PIK3C2B: variants seen among roughly 807,000 people sequenced by gnomAD.
The protein encoded by PIK3C2B is phosphatidylinositol 4-phosphate 3-kinase C2 domain-containing subunit beta.
Under a neutral mutation model 184.3 loss-of-function variants are expected in PIK3C2B, and 83 were observed. The ratio of observed to expected loss-of-function variants is 0.45; its 90% confidence interval spans 0.38 to 0.54. PIK3C2B has a LOEUF of 0.54. PIK3C2B is among the 20% of genes least tolerant of loss of function. PIK3C2B has a pLI of 0.00. For missense variants in PIK3C2B, 1,736 were observed against 2,113.5 expected, an observed-to-expected ratio of 0.82 and a Z score of 3.50; for synonymous variants, 779 against 837.6, an observed-to-expected ratio of 0.93 and a Z score of 1.21.
At chr1:204,429,038 C>A in intron 29 of PIK3C2B, 3 of 353,540 alleles carry the variant, frequency 8.5e-6, no homozygotes, top group Non-Finnish European at 1.1e-5. Flanking sequence ...AGCCTGGTGA[C>A]ATAGTAAAAC....
At chr1:204,457,182 G>GT in intron 9 of PIK3C2B, 112 bp from the exon 10 acceptor site, 1 of 835,044 alleles carries the variant, frequency 1.2e-6, no homozygotes, top group Non-Finnish European at 1.9e-6. Flanking sequence ...GGGCTGAAAT[G>GT]TGAGTAGCTG....
intron 2 of PIK3C2B, among the ~76,000 whole-genome samples, chr1:204,465,884 G>A (rs1208923040): frequency 6.6e-6 from 1 of 152,250 alleles, no homozygotes; most frequent in Non-Finnish European, 1.5e-5. Context: ...TGCTATTTGA[G>A]GAAGAAAGCG....
At chr1:204,493,341 A>G (rs1277876236) in intron 1 of PIK3C2B, among the ~76,000 whole-genome samples, 2 of 152,150 alleles carry the variant, frequency 1.3e-5, no homozygotes, top group Non-Finnish European at 2.9e-5. Flanking sequence ...GGGACCAGCC[A>G]GCCCAGGGTA....
At chr1:204,465,172 C>CCTCCCCCCA in intron 3 of PIK3C2B, 47 bp downstream of exon 3, 8 of 820,634 alleles carry the variant, frequency 9.7e-6, no homozygotes, top group Admixed American at 3.6e-5. Context: ...CCCCCCTCCC[C>CCTCCCCCCA]ATCCCCCATA....
At chr1:204,476,189 G>A (rs766606968) in intron 1 of PIK3C2B, among the ~76,000 whole-genome samples, 1 of 152,172 alleles carries the variant, frequency 6.6e-6, no homozygotes, top group African/African-American at 2.4e-5. Flanking sequence ...TAGAGGACAC[G>A]CAGAAAGTAT....
intron 11 of PIK3C2B, 45 bp from the exon 12 acceptor site, chr1:204,454,836 C>G (rs764744499): frequency 1.9e-6 from 3 of 1,589,320 alleles, no homozygotes; most frequent in Non-Finnish European, 2.6e-6. Context: ...CTCCCAAAAC[C>G]AATCACCCAA....
Position 204,433,376 on chromosome 1 carries a change from T to A in PIK3C2B, c.3893A>T (p.Tyr1298Phe). The A allele has an allele frequency of 6.2e-7, 1 of 1,612,756 alleles. No homozygotes were observed. Reference protein sequence around the residue: ...PELSDLEDLKYVYDALRPQDT... With the variant: ...PELSDLEDLKFVYDALRPQDT... ...CTGAGGCCTCAGGGCATCGTACACATACTTGAGGTCCTCCAGGTCTGAGAG... is the reference window on the plus strand; with the variant it reads ...CTGAGGCCTCAGGGCATCGTACACAAACTTGAGGTCCTCCAGGTCTGAGAG... Residue 1298 changes from tyrosine to phenylalanine, a missense_variant, in exon 26 of 33, where the codon TAT becomes TTT. Coordinates refer to ENST00000684373, the MANE Select transcript of PIK3C2B (RefSeq NM_001377334.1). The surrounding 1 kb of genome is among the most constrained non-coding windows in gnomAD (Gnocchi z 5.0).
At chr1:204,462,214 A>G (rs61761706) in intron 5 of PIK3C2B, among the ~76,000 whole-genome samples, 2,890 of 152,152 alleles carry the variant, frequency 0.019, 109 homozygotes, top group African/African-American at 0.064. Flanking sequence ...ATTTCACCTG[A>G]GTCTTAGCAG....
In PIK3C2B at chr1:204,424,745, G is replaced by T; in HGVS notation, c.*107C>A. On this transcript the variant is annotated 3_prime_UTR_variant, in exon 33 of 33. Transcript: ENST00000684373. ...CAGAATCACCTGGACCGAGCTGGAG[G>T]CCTGCCCAGGGCCCTGGCCCTTCAC... 1 of 1,109,136 alleles carries T rather than the reference G, an allele frequency of 9.0e-7. No homozygotes were observed. Among genetic ancestry groups the T allele is most frequent in the Non-Finnish European group, 1.4e-6 (1 of 724,042 alleles). The allele number at this position is 1,109,136 out of a possible 1,614,324, so 68.7% of individuals were successfully genotyped here.
intron 1 of PIK3C2B, among the ~76,000 whole-genome samples, chr1:204,478,236 C>T (rs1181527692): frequency 6.6e-6 from 1 of 152,084 alleles, no homozygotes; most frequent in Non-Finnish European, 1.5e-5. Flanking sequence ...TCTGTCCATC[C>T]CCCAGCACCC....
chr1:204,478,922 G>A (rs1189756866), intron 1 of PIK3C2B, among the ~76,000 whole-genome samples: 8 of 152,208 alleles, frequency 5.3e-5, no homozygotes, highest in Non-Finnish European at 1.2e-4. Context: ...CAGAGACCCC[G>A]ATTCTAGCTC....
rs61763416 is a variant in PIK3C2B, at chr1:204,443,254, G to C, written c.3048+163C>G. Among the ~76,000 whole-genome samples, 1,478 of 152,370 alleles carry C rather than the reference G, an allele frequency of 9.7e-3. 22 individuals are homozygous for C. Among genetic ancestry groups the C allele is most frequent in the African/African-American group, 0.033 (1,387 of 41,588 alleles). On this transcript the variant is annotated intron_variant, in intron 19 of 32. Transcript: ENST00000684373. ...AAAACACATCCACGGGCTGTATCCA[G>C]CTTGTGGACTGCCTGTTTACGGCCT...
intron 16 of PIK3C2B, among the ~76,000 whole-genome samples, chr1:204,445,431 A>G (rs896329595): frequency 1.3e-5 from 2 of 151,992 alleles, no homozygotes; most frequent in African/African-American, 4.8e-5. Flanking sequence ...TTATCTCTAC[A>G]AAAAAATTTT....
At chr1:204,449,057 C>T in intron 14 of PIK3C2B, 128 bp downstream of exon 14, 3 of 688,510 alleles carry the variant, frequency 4.4e-6, no homozygotes, top group Non-Finnish European at 5.2e-6. Flanking sequence ...GCTTCAGTCA[C>T]ATCATCCTCC....
Position 204,433,732 on chromosome 1 carries a change from G to A in PIK3C2B, c.3843+61C>T, listed in dbSNP as rs1675194459. 6.8e-7 allele frequency: 1 copy of A among 1,474,668 alleles called. No homozygotes were observed. The highest frequency in any genetic ancestry group is 9.5e-7 in the Non-Finnish European group (1 of 1,056,480). The allele number at this position is 1,474,668 out of a possible 1,614,324, so 91.3% of individuals were successfully genotyped here. The stretch of plus-strand genomic sequence containing the variant: ...AAATCCTCTGCGGCAAGACAGGGAA[G>A]TCTTAAAGATGATGCCAGATAATAA... On this transcript the variant is annotated intron_variant, in intron 25 of 32. Transcript: ENST00000684373. The surrounding 1 kb of genome is among the most constrained non-coding windows in gnomAD (Gnocchi z 5.0).
In PIK3C2B at chr1:204,430,012, C is replaced by T. The variant is rs1674955620; in HGVS notation, c.4307G>A (p.Arg1436His). The stretch of plus-strand genomic sequence containing the variant: ...CTCGGCCACCGCCTCTCCCCGGGAG[C>T]GGCCGATCACGAAGCGACTAGGGAA... ...PSFPSRFVIG[R>H]SRGEAVAERR... is the part of the protein sequence containing the mutation. The change falls in exon 29 of 33, where the codon CGC becomes CAC. Residue 1436 changes from arginine (R) to histidine (H), a missense_variant. Around this residue, in one of 8 missense-constraint regions of PIK3C2B, gnomAD observed 200 missense variants for 199.1 expected, o/e 1.00. Coordinates refer to ENST00000684373, the MANE Select transcript of PIK3C2B (RefSeq NM_001377334.1). 2 of 1,610,036 alleles carry T rather than the reference C, an allele frequency of 1.2e-6. No homozygotes were observed. The highest frequency in any genetic ancestry group is 8.5e-7 in the Non-Finnish European group (1 of 1,179,686).
Position 204,468,867 on chromosome 1 carries a change from C to G in PIK3C2B, c.933+3G>C. ...GGCAGAAGAAACACAAGAAGGTCCT[C>G]ACCGGGGCTGCAGAAATCCGGCGGT... On this transcript the variant is annotated splice_donor_region_variant and intron_variant, in intron 2 of 32. Transcript: ENST00000684373. 6.3e-7 allele frequency: 1 copy of G among 1,575,792 alleles called. No homozygotes were observed. Among genetic ancestry groups the G allele is most frequent in the Non-Finnish European group, 8.6e-7 (1 of 1,159,974 alleles).
intron 7 of PIK3C2B, 137 bp downstream of exon 7, chr1:204,460,187 C>T: frequency 1.4e-6 from 1 of 727,606 alleles, no homozygotes. Context: ...GGGATCTTCT[C>T]TGATAAGATG....
rs375705266 is a variant in PIK3C2B, at chr1:204,457,073, G to A, written c.1714-3C>T. 2.6e-5 allele frequency: 41 copies of A among 1,561,842 alleles called. No individual in the cohort carries two copies. Among genetic ancestry groups the A allele is most frequent in the Non-Finnish European group, 3.4e-5 (39 of 1,151,734 alleles). On this transcript the variant is annotated splice_region_variant and splice_polypyrimidine_tract_variant and intron_variant, in intron 9 of 32. Transcript: ENST00000684373. ...CTCACAGCCAAGACACTGGGATCCT[G>A]TTGGGAAAAAGAAGAGGGAGGGGAG... is the stretch of plus-strand genomic sequence containing the variant.
Sources: gnomAD v4.1 joint callset for allele counts (sites outside exome capture counted in the v4.1 genomes callset) on GRCh38, gnomAD v4.1.1 for gene constraint, gnomAD v4.1.1 regional missense constraint, Gnocchi (gnomAD v3.1) non-coding constraint, MANE v1.5 for transcripts, NCBI Gene and HGNC (gene_info 2026-07-23, HGNC 2026-07-21) for gene names.